BTBD9: variants seen among roughly 807,000 people sequenced by gnomAD.
BTBD9 encodes BTB/POZ domain-containing protein 9.
Under a neutral mutation model 64.3 loss-of-function variants are expected in BTBD9, and 49 were observed. The ratio of observed to expected loss-of-function variants is 0.76; its 90% CI spans 0.61 to 0.97. The LOEUF (loss-of-function observed/expected upper bound fraction) is 0.97. Ranked by LOEUF, BTBD9 falls within the 50% of genes least tolerant of loss-of-function variation. The probability of loss-of-function intolerance (pLI) is 0.00; values close to 1 mark genes in which losing one functional copy is unlikely to be tolerated. For synonymous variants in BTBD9, 260 were observed against 274.7 expected (o/e 0.95, Z 0.53); for missense variants, 598 against 762.1 (o/e 0.78, Z 2.53).
intron 6 of BTBD9, among the ~76,000 whole-genome samples, chr6:38,521,098 C>A (rs1270055376): frequency 2.6e-5 from 4 of 151,462 alleles, no homozygotes; most frequent in African/African-American, 4.9e-5. Context: ...CGTGACCTTA[C>A]ACACACTGTG....
At chr6:38,335,247 AT>A (rs1454268244) in intron 7 of BTBD9, among the ~76,000 whole-genome samples, 1 of 143,760 alleles carries the variant, frequency 7.0e-6, no homozygotes, top group Non-Finnish European at 1.5e-5. Context: ...TTTTATTTTA[AT>A]TTTAAATTTT....
intron 1 of BTBD9, among the ~76,000 whole-genome samples, chr6:38,622,619 A>G (rs1778025959): frequency 6.6e-6 from 1 of 152,158 alleles, no homozygotes. Context: ...CCTATTACAC[A>G]AGCAATGAAA....
intron 10 of BTBD9, among the ~76,000 whole-genome samples, chr6:38,177,345 C>T (rs762104804): frequency 7.9e-5 from 12 of 152,224 alleles, no homozygotes; most frequent in Non-Finnish European, 1.0e-4. Context: ...AGCTCTTCCC[C>T]CACCGGCCCC....
intron 1 of BTBD9, among the ~76,000 whole-genome samples, chr6:38,607,119 C>T (rs956343696): frequency 6.6e-6 from 1 of 152,048 alleles, no homozygotes. Context: ...ATGTACTTTG[C>T]TAATACAAAG....
intron 9 of BTBD9, among the ~76,000 whole-genome samples, chr6:38,225,193 A>G (rs1763352929): frequency 6.6e-6 from 1 of 152,258 alleles, no homozygotes; most frequent in Non-Finnish European, 1.5e-5. Context: ...CAGCTAGGGA[A>G]CCAAGGCCAT....
At chr6:38,434,808 T>C (rs946034761) in intron 6 of BTBD9, among the ~76,000 whole-genome samples, 1 of 151,992 alleles carries the variant, frequency 6.6e-6, no homozygotes, top group Non-Finnish European at 1.5e-5. Context: ...TAGACAGATA[T>C]ATGTATACTA....
chr6:38,635,764 TTC>T (rs1276084202), intron 1 of BTBD9, among the ~76,000 whole-genome samples: 1 of 152,154 alleles, frequency 6.6e-6, no homozygotes, highest in Non-Finnish European at 1.5e-5. Context: ...GGAAATAAAT[TTC>T]TGTTCTTTAT....
intron 6 of BTBD9, among the ~76,000 whole-genome samples, chr6:38,560,943 A>G (rs1775236812): frequency 1.3e-5 from 2 of 152,242 alleles, no homozygotes; most frequent in Admixed American, 1.3e-4. Context: ...ATAGTATTCC[A>G]TGGTGTATAT....
Position 38,374,028 on chromosome 6 carries a change from T to C in BTBD9, c.1155-28935A>G, listed in dbSNP as rs1472023275. 5.3e-5 allele frequency among the ~76,000 whole-genome samples: 8 copies of C among 151,622 alleles called. No homozygotes were observed. The East Asian group carries it at 1.2e-3, about 22-fold the overall frequency. Reference sequence around the variant, plus strand: ...GCTCAGGCCTATAATCCCAGCACTTTGGGAGGCCAAGGCAGGCAGATCACT... The same window carrying C: ...GCTCAGGCCTATAATCCCAGCACTTCGGGAGGCCAAGGCAGGCAGATCACT... On this transcript the variant is annotated intron_variant, in intron 6 of 10. Transcript: ENST00000481247.
At position 38,174,854 on chromosome 6, in the gene BTBD9, T is replaced by C; in HGVS notation, c.*131A>G. 1 of 1,061,602 alleles carries C rather than the reference T, an allele frequency of 9.4e-7. No individual in the cohort carries two copies. Among genetic ancestry groups the C allele is most frequent in the Non-Finnish European group, 1.4e-6 (1 of 730,648 alleles). The allele number at this position is 1,061,602 out of a possible 1,614,324, so 65.8% of individuals were successfully genotyped here. A position where few individuals can be genotyped will look rare whatever the true frequency, so the allele number is the denominator to read the frequency against. ...GAGAAAACCTGTTCGGTGTCTGCTTTTGCAGCTAGGTCGGCTCCTCCCTGG... is the reference window on the plus strand; with the variant it reads ...GAGAAAACCTGTTCGGTGTCTGCTTCTGCAGCTAGGTCGGCTCCTCCCTGG... On this transcript the variant is annotated 3_prime_UTR_variant, in exon 11 of 11. Transcript: ENST00000481247.
chr6:38,512,124 C>A (rs1226607912), intron 6 of BTBD9, among the ~76,000 whole-genome samples: 1 of 152,164 alleles, frequency 6.6e-6, no homozygotes, highest in Admixed American at 6.5e-5. Context: ...CAGGCACGCA[C>A]CATCACGCCT....
chr6:38,222,030 C>T (rs979387973), intron 9 of BTBD9, among the ~76,000 whole-genome samples: 10 of 151,910 alleles, frequency 6.6e-5, no homozygotes, highest in African/African-American at 9.7e-5. Flanking sequence ...GAAAGATGAT[C>T]TCATTTATCT....
chr6:38,299,215 C>T (rs913103135), intron 7 of BTBD9, among the ~76,000 whole-genome samples: 26 of 152,286 alleles, frequency 1.7e-4, no homozygotes, highest in Non-Finnish European at 3.5e-4. Context: ...CATAGTATTC[C>T]ATGGTGTGTA....
At chr6:38,567,347 G>C (rs1775567727) in intron 6 of BTBD9, among the ~76,000 whole-genome samples, 1 of 152,138 alleles carries the variant, frequency 6.6e-6, no homozygotes, top group Admixed American at 6.5e-5. Flanking sequence ...TATCATGAAG[G>C]ACATATTCAT....
intron 6 of BTBD9, among the ~76,000 whole-genome samples, chr6:38,348,884 T>C (rs968497558): frequency 4.6e-5 from 7 of 152,152 alleles, no homozygotes; most frequent in African/African-American, 1.7e-4. Context: ...ATCAATTAAG[T>C]GTGTCACTTA....
intron 8 of BTBD9, among the ~76,000 whole-genome samples, chr6:38,277,222 GT>G (rs1561961653): frequency 1.3e-5 from 2 of 152,022 alleles, no homozygotes; most frequent in Non-Finnish European, 1.5e-5. Context: ...GAAACTTGAA[GT>G]TTTTTTCAAG....
intron 4 of BTBD9, chr6:38,588,079 G>T (rs1325641884): frequency 4.1e-6 from 3 of 730,462 alleles, no homozygotes; most frequent in Non-Finnish European, 5.1e-6. Context: ...AATAGTACCA[G>T]CAACAGGCTA....
chr6:38,325,363 T>C (rs2127578142), intron 7 of BTBD9, among the ~76,000 whole-genome samples: 1 of 152,282 alleles, frequency 6.6e-6, no homozygotes, highest in Middle Eastern at 3.4e-3. Context: ...ATTAACACAG[T>C]TCTCTATACC....
intron 8 of BTBD9, among the ~76,000 whole-genome samples, chr6:38,266,652 AAGAAAGAAAGAAAG>A (rs1561947558): frequency 7.3e-6 from 1 of 136,966 alleles, no homozygotes; most frequent in East Asian, 2.1e-4. Context: ...GAAAGAAAGA[AAGAAAGAAAGAAAG>A]AAAGAAAGAA....
Sources: allele counts gnomAD v4.1 joint callset (sites outside exome capture counted in the v4.1 genomes callset), GRCh38; gene constraint gnomAD v4.1.1; transcripts MANE v1.5; gene names NCBI Gene and HGNC (gene_info 2026-07-23, HGNC 2026-07-21).